RABGAP1L: variants seen among roughly 807,000 people sequenced by gnomAD.
The protein encoded by RABGAP1L is RAB GTPase activating protein 1 like, also known as rab GTPase-activating protein 1-like.
Under a neutral mutation model 137.7 loss-of-function variants are expected in RABGAP1L, and 63 were observed. The ratio of observed to expected loss-of-function variants is 0.46; its 90% CI spans 0.37 to 0.56. The LOEUF is 0.56. Among genes scored for constraint, RABGAP1L ranks in the 20% least tolerant of loss-of-function variants. The pLI is 0.00. For synonymous variants in RABGAP1L, 431 were observed against 433.7 expected (o/e 0.99, Z 0.08); for missense variants, 1,095 against 1,244.0 (o/e 0.88, Z 1.80).
intron 14 of RABGAP1L, among the ~76,000 whole-genome samples, chr1:174,670,234 T>A (rs1051710862): frequency 6.6e-6 from 1 of 151,966 alleles, no homozygotes; most frequent in East Asian, 1.9e-4. Flanking sequence ...TATAGCTACT[T>A]TATTTTTTAT....
At chr1:174,355,225 C>G (rs537572941) in intron 11 of RABGAP1L, among the ~76,000 whole-genome samples, 1 of 151,866 alleles carries the variant, frequency 6.6e-6, no homozygotes, top group Non-Finnish European at 1.5e-5. Flanking sequence ...AATGTCCAAC[C>G]GCTATAGACT....
intron 13 of RABGAP1L, among the ~76,000 whole-genome samples, chr1:174,572,661 G>A (rs762113156): frequency 5.3e-5 from 8 of 152,108 alleles, no homozygotes; most frequent in Non-Finnish European, 1.2e-4. Flanking sequence ...GACTGCAGGC[G>A]TGAGCCACCC....
chr1:174,516,671 A>G (rs1158942832), intron 13 of RABGAP1L, among the ~76,000 whole-genome samples: 1 of 152,190 alleles, frequency 6.6e-6, no homozygotes, highest in Non-Finnish European at 1.5e-5. Flanking sequence ...ACTGTGATAC[A>G]TACTGTATGC....
intron 13 of RABGAP1L, among the ~76,000 whole-genome samples, chr1:174,477,868 ATCAG>A (rs1658664820): frequency 6.6e-6 from 1 of 152,132 alleles, no homozygotes; most frequent in African/African-American, 2.4e-5. Context: ...GCATTTAGAG[ATCAG>A]TCATTTAGAG....
chr1:174,793,853 C>T (rs553180978), intron 18 of RABGAP1L, among the ~76,000 whole-genome samples: 1 of 152,106 alleles, frequency 6.6e-6, no homozygotes, highest in Non-Finnish European at 1.5e-5. Flanking sequence ...GCAACCACCA[C>T]ACCCAGCTAA....
intron 13 of RABGAP1L, among the ~76,000 whole-genome samples, chr1:174,561,880 A>G (rs1175037833): frequency 1.3e-5 from 2 of 152,200 alleles, no homozygotes; most frequent in African/African-American, 4.8e-5. Flanking sequence ...ACTTAAACAT[A>G]AGACCTAAAA....
Position 174,296,518 on chromosome 1 carries a change from C to T in RABGAP1L, c.1324-8468C>T, listed in dbSNP as rs567653298. Among the ~76,000 whole-genome samples the T allele has an allele frequency of 6.6e-5, 10 of 152,106 alleles. No homozygotes were observed. In the East Asian group the frequency reaches 9.6e-4, roughly 15 times the overall value. ...TTGTCGCCAACATTTATAGGAATTG[C>T]GTAACAGATATTTTAGAAGTTAATT... On this transcript the variant is annotated intron_variant, in intron 10 of 25. Transcript: ENST00000681986.
intron 19 of RABGAP1L, among the ~76,000 whole-genome samples, chr1:174,957,190 G>C (rs905511394): frequency 1.3e-5 from 2 of 152,272 alleles, no homozygotes; most frequent in South Asian, 4.1e-4. Context: ...CATTTGTTTA[G>C]GTATCACCCA....
chr1:174,945,263 A>C, intron 19 of RABGAP1L, among the ~76,000 whole-genome samples: 1 of 152,218 alleles, frequency 6.6e-6, no homozygotes, highest in African/African-American at 2.4e-5. Flanking sequence ...TTACTGTCTC[A>C]ATTTTTAGTG....
intron 13 of RABGAP1L, among the ~76,000 whole-genome samples, chr1:174,495,148 C>T (rs567322038): frequency 6.6e-6 from 1 of 152,104 alleles, no homozygotes; most frequent in East Asian, 1.9e-4. Flanking sequence ...TTCTTTTTAC[C>T]ATAAGTGGTG....
At chr1:174,556,243 A>G (rs1217489957) in intron 13 of RABGAP1L, among the ~76,000 whole-genome samples, 1 of 151,998 alleles carries the variant, frequency 6.6e-6, no homozygotes. Flanking sequence ...TGATCTGCCC[A>G]CTTTGGCTCC....
chr1:174,359,509 A>T (rs1343208363), intron 11 of RABGAP1L, among the ~76,000 whole-genome samples: 1 of 151,916 alleles, frequency 6.6e-6, no homozygotes, highest in African/African-American at 2.4e-5. Flanking sequence ...CTCTCAATTA[A>T]ATCTTGCCCC....
rs538452979 is a variant in RABGAP1L at position 174,989,969 on chromosome 1, C to G, written c.3124C>G (p.Pro1042Ala). The G allele has an allele frequency of 7.1e-6, 11 of 1,549,012 alleles. No homozygotes were observed. The South Asian group carries it at 8.3e-5, about 12-fold the overall frequency. ...ATGTQPLQPA[P>A]VTQPPKEST ...GGGCACCCAGCCATTGCAGCCAGCA[C>G]CGGTCACCCAGCCACCCAAGGAGAG... The change falls in exon 26 of 26, where the codon CCG becomes GCG. Residue 1042 changes from proline to alanine, a missense_variant. Physicochemically the swap from Pro to Ala is conservative, Grantham distance 27. Transcript: ENST00000681986.
At chr1:174,701,986 A>T (rs983948514) in intron 16 of RABGAP1L, 127 bp from the exon 17 acceptor site, 3 of 776,930 alleles carry the variant, frequency 3.9e-6, no homozygotes, top group Non-Finnish European at 6.1e-6. Flanking sequence ...GTTATACAAG[A>T]CAACCAATAC....
chr1:174,929,568 C>T (rs76233901), intron 19 of RABGAP1L, among the ~76,000 whole-genome samples: 3,175 of 151,932 alleles, frequency 0.021, 51 homozygotes, highest in Middle Eastern at 0.078. Flanking sequence ...ATAACGAGAT[C>T]CTATCTCCAG....
chr1:174,245,848 C>G (rs1672211147), intron 5 of RABGAP1L: 1 of 151,974 alleles, frequency 6.6e-6, no homozygotes, highest in African/African-American at 2.4e-5. Flanking sequence ...GTTGGCCAGG[C>G]TGGTCTTGAA....
At chr1:174,710,318 CAG>C (rs1680379645) in intron 17 of RABGAP1L, among the ~76,000 whole-genome samples, 1 of 152,154 alleles carries the variant, frequency 6.6e-6, no homozygotes, top group Non-Finnish European at 1.5e-5. Flanking sequence ...GAGAACACCA[CAG>C]AGATACTATT....
chr1:174,166,478 G>A (rs1043494167), intron 1 of RABGAP1L, among the ~76,000 whole-genome samples: 6 of 152,190 alleles, frequency 3.9e-5, no homozygotes, highest in African/African-American at 1.2e-4. Context: ...CACTTGTAAG[G>A]AATTGATGGC....
chr1:174,602,243 T>C (rs1329784619), intron 13 of RABGAP1L, among the ~76,000 whole-genome samples: 1 of 152,208 alleles, frequency 6.6e-6, no homozygotes, highest in Non-Finnish European at 1.5e-5. Context: ...TAATTGGACT[T>C]ACAGTTCCAC....
Sources: gnomAD v4.1 joint callset for allele counts (sites outside exome capture counted in the v4.1 genomes callset) on GRCh38, gnomAD v4.1.1 for gene constraint, MANE v1.5 for transcripts, NCBI Gene and HGNC (gene_info 2026-07-23, HGNC 2026-07-21) for gene names.